ATP10B: variants seen among roughly 807,000 people sequenced by gnomAD.
The protein encoded by ATP10B is ATPase phospholipid transporting 10B (putative), also known as phospholipid-transporting ATPase VB.
ATP10B carries 122 observed loss-of-function variants against 141.2 expected under a neutral mutation model. The observed-to-expected ratio is 0.86, with a 90% confidence interval of 0.75 to 1.00. The LOEUF (loss-of-function observed/expected upper bound fraction) is 1.00, where lower values mean the gene tolerates loss of function less well. Ranked by LOEUF, ATP10B falls within the 50% of genes least tolerant of loss-of-function variation. The pLI is 0.00. For synonymous variants in ATP10B, 685 were observed against 692.0 expected (o/e 0.99, Z 0.16); for missense variants, 1,876 against 1,825.3 (o/e 1.03, Z -0.51).
intron 25 of ATP10B, among the ~76,000 whole-genome samples, chr5:160,568,510 T>C (rs1260723935): frequency 6.6e-6 from 1 of 152,168 alleles, no homozygotes; most frequent in Non-Finnish European, 1.5e-5. Context: ...TTCAGCGTGG[T>C]GAGATGGAGA....
intron 2 of ATP10B, among the ~76,000 whole-genome samples, chr5:160,749,657 G>A (rs1030323726): frequency 1.3e-5 from 2 of 152,156 alleles, no homozygotes; most frequent in African/African-American, 4.8e-5. Flanking sequence ...ATTTAAAATG[G>A]CAGAAACCAA....
chr5:160,818,602 G>A (rs1773865183), intron 1 of ATP10B, among the ~76,000 whole-genome samples: 1 of 152,094 alleles, frequency 6.6e-6, no homozygotes, highest in Non-Finnish European at 1.5e-5. Context: ...AATTCCTCAG[G>A]GTTCTAGAAC....
At chr5:160,812,950 G>T (rs1244227663) in intron 1 of ATP10B, among the ~76,000 whole-genome samples, 2 of 152,158 alleles carry the variant, frequency 1.3e-5, no homozygotes, top group African/African-American at 2.4e-5. Flanking sequence ...CTACCTCAAG[G>T]CATTTAATAA....
rs567093077 is a variant in ATP10B, at chr5:160,652,295, TG to T, written c.676-3040del. On this transcript the variant is annotated intron_variant, in intron 7 of 25. Coordinates refer to ENST00000327245, the MANE Select transcript of ATP10B (RefSeq NM_025153.3). Reference sequence around the variant, plus strand: ...AAGAGGGGCTGTGGAGAGGGGCATATGGGTCCTGCTGGCTGCAAAGACAACC... The same window carrying T: ...AAGAGGGGCTGTGGAGAGGGGCATATGGTCCTGCTGGCTGCAAAGACAACC... 1.9e-3 allele frequency among the ~76,000 whole-genome samples: 294 copies of T among 152,144 alleles called. 2 individuals are homozygous for T. Among genetic ancestry groups the T allele is most frequent in the African/African-American group, 6.7e-3 (280 of 41,482 alleles).
intron 1 of ATP10B, among the ~76,000 whole-genome samples, chr5:160,792,788 GATCAATGTAATTGGTCACTCTTGGCCT>G (rs1166061189): frequency 4.6e-5 from 7 of 152,178 alleles, no homozygotes; most frequent in Middle Eastern, 3.2e-3. Flanking sequence ...TCATCCACAT[GATCAATGTAATTGGTCACTCTTGGCCT>G]GTGGGTCGAA....
intron 2 of ATP10B, among the ~76,000 whole-genome samples, chr5:160,720,863 G>A (rs1271228140): frequency 6.6e-6 from 1 of 152,240 alleles, no homozygotes; most frequent in Non-Finnish European, 1.5e-5. Flanking sequence ...GCTTACAAAG[G>A]TTTGCAATAA....
upstream of ATP10B, among the ~76,000 whole-genome samples, chr5:160,856,400 T>C (rs888309277): frequency 2.0e-5 from 3 of 151,996 alleles, no homozygotes; most frequent in South Asian, 6.2e-4. Context: ...TCTAGGAGTA[T>C]ATTGTAGATT....
chr5:160,835,092 T>A (rs1456213444), intron 1 of ATP10B, among the ~76,000 whole-genome samples: 1 of 152,060 alleles, frequency 6.6e-6, no homozygotes, highest in Non-Finnish European at 1.5e-5. Context: ...TGGGAGAATG[T>A]TCAAAAGGAA....
chr5:160,783,393 A>ATATG (rs1554115663), intron 2 of ATP10B, among the ~76,000 whole-genome samples: 4 of 134,834 alleles, frequency 3.0e-5, no homozygotes, highest in African/African-American at 1.1e-4. Flanking sequence ...ATATATATAT[A>ATATG]TGTGATGGAT....
intron 1 of ATP10B, among the ~76,000 whole-genome samples, chr5:160,807,315 C>G (rs991637520): frequency 6.6e-6 from 1 of 152,078 alleles, no homozygotes; most frequent in African/African-American, 2.4e-5. Flanking sequence ...CACTGTAAAC[C>G]ATTTTTTTTG....
rs1221779735 is a variant in ATP10B, at chr5:160,589,675, C to T, written c.3667G>A (p.Asp1223Asn). 6.2e-7 allele frequency: 1 copy of T among 1,613,906 alleles called. No homozygotes were observed. Among genetic ancestry groups the T allele is most frequent in the South Asian group, 1.1e-5 (1 of 91,084 alleles). The change falls in exon 24 of 26, where the codon GAT (aspartate) becomes AAT (asparagine). Residue 1223 changes from aspartate to asparagine, a missense_variant. Physicochemically the swap from Asp to Asn is conservative, Grantham distance 23 (BLOSUM62 1). Coordinates refer to ENST00000327245, the MANE Select transcript of ATP10B (RefSeq NM_025153.3). ...PYLAYKGSDI[D>N]VFTFGTPINT... Reference sequence around the variant, plus strand: ...ATTGGTGTCCCAAAGGTAAAGACATCTATATCAGAGCCCTTATAGGCCTGC... The same window carrying T: ...ATTGGTGTCCCAAAGGTAAAGACATTTATATCAGAGCCCTTATAGGCCTGC...
intron 2 of ATP10B, among the ~76,000 whole-genome samples, chr5:160,760,375 A>G (rs1768945267): frequency 6.6e-6 from 1 of 152,188 alleles, no homozygotes; most frequent in East Asian, 1.9e-4. Flanking sequence ...TGCATACACA[A>G]TACTCATGAA....
At chr5:160,845,134 CTG>C (rs1307543428) in intron 1 of ATP10B, among the ~76,000 whole-genome samples, 5 of 152,152 alleles carry the variant, frequency 3.3e-5, no homozygotes, top group African/African-American at 7.2e-5. Context: ...AATGTTGAAA[CTG>C]AACTACTATG....
the ATP10B span, among the ~76,000 whole-genome samples, chr5:160,886,302 G>A: frequency 2.9e-4 from 44 of 152,258 alleles, no homozygotes; most frequent in African/African-American, 9.4e-4. Context: ...GATCAAGAAA[G>A]GAACATTTGA....
At chr5:160,896,064 T>C in the ATP10B span, among the ~76,000 whole-genome samples, 2 of 152,158 alleles carry the variant, frequency 1.3e-5, no homozygotes, top group Non-Finnish European at 2.9e-5. Flanking sequence ...GAGGGACATT[T>C]ATAGCACTAA....
chr5:160,598,938 G>T lies in ATP10B; in HGVS notation c.3396C>A (p.Phe1132Leu). 2.5e-6 allele frequency: 4 copies of T among 1,614,124 alleles called. No individual in the cohort carries two copies. The highest frequency in any genetic ancestry group is 2.5e-6 in the Non-Finnish European group (3 of 1,179,992). Residue 1132 changes from phenylalanine to leucine, a missense_variant, in exon 22 of 26, where the codon TTC (phenylalanine) becomes TTA (leucine). Phe to Leu is a conservative substitution (Grantham distance 22). Coordinates refer to ENST00000327245, the MANE Select transcript of ATP10B (RefSeq NM_025153.3). ...TGGTGGAGCTGGAGAAACCACAGAA[G>T]AACTGATACCAGAAGAGCAGGTTGA... ...CYVNLLFWYQFFCGFSSSTMI... is the reference protein window; with the variant it reads ...CYVNLLFWYQLFCGFSSSTMI...
intron 13 of ATP10B, among the ~76,000 whole-genome samples, chr5:160,629,923 G>T (rs1391155711): frequency 6.6e-6 from 1 of 152,180 alleles, no homozygotes; most frequent in East Asian, 1.9e-4. Context: ...GGTGAGAATT[G>T]TAAGTAAAGT....
At chr5:160,826,504 C>G (rs910977851) in intron 1 of ATP10B, among the ~76,000 whole-genome samples, 1 of 152,266 alleles carries the variant, frequency 6.6e-6, no homozygotes. Flanking sequence ...ATTGTGCTAA[C>G]TGTACAAATT....
At chr5:160,787,760 C>CT (rs1771277476) in intron 1 of ATP10B, among the ~76,000 whole-genome samples, 1 of 152,052 alleles carries the variant, frequency 6.6e-6, no homozygotes, top group African/African-American at 2.4e-5. Context: ...ATCTTTTATA[C>CT]TTTTATTTCT....
Sources: allele counts gnomAD v4.1 joint callset (sites outside exome capture counted in the v4.1 genomes callset), GRCh38; gene constraint gnomAD v4.1.1; transcripts MANE v1.5; gene names NCBI Gene and HGNC (gene_info 2026-07-23, HGNC 2026-07-21).